NLGN1: variants seen among roughly 807,000 people sequenced by gnomAD.
NLGN1 encodes the protein neuroligin 1.
In NLGN1, 12 loss-of-function variants were observed where a neutral mutation model predicts 65.5. The observed-to-expected ratio is 0.18, with a 90% CI of 0.12 to 0.30. The LOEUF (loss-of-function observed/expected upper bound fraction) is 0.30. NLGN1 is among the 10% of genes least tolerant of loss of function. NLGN1 has a pLI of 1.00. For synonymous variants in NLGN1, 350 were observed against 359.5 expected (o/e 0.97, Z 0.30); for missense variants, 750 against 1,007.1 (o/e 0.74, Z 3.46).
intron 3 of NLGN1, among the ~76,000 whole-genome samples, chr3:173,611,832 G>A (rs1210577248): frequency 6.6e-6 from 1 of 151,968 alleles, no homozygotes; most frequent in Non-Finnish European, 1.5e-5. Context: ...TAGAAACTGG[G>A]GTTGAAGTTG....
At chr3:173,615,654 A>G (rs922358394) in intron 3 of NLGN1, among the ~76,000 whole-genome samples, 5 of 152,096 alleles carry the variant, frequency 3.3e-5, no homozygotes, top group African/African-American at 1.2e-4. Context: ...ATCAGGCATA[A>G]CCAAAACTAT....
intron 2 of NLGN1, among the ~76,000 whole-genome samples, chr3:173,476,357 T>C (rs890893949): frequency 6.6e-6 from 1 of 152,188 alleles, no homozygotes; most frequent in Admixed American, 6.5e-5. Context: ...AGTTTAATGT[T>C]GTAACTTTTA....
intron 1 of NLGN1, among the ~76,000 whole-genome samples, chr3:173,399,046 A>G (rs1049691436): frequency 8.5e-5 from 13 of 152,250 alleles, no homozygotes; most frequent in African/African-American, 3.1e-4. Flanking sequence ...AAATGAGCTC[A>G]GAAGCAAGGG....
intron 3 of NLGN1, among the ~76,000 whole-genome samples, chr3:173,639,818 G>A (rs1361462411): frequency 6.6e-6 from 1 of 152,162 alleles, no homozygotes; most frequent in Non-Finnish European, 1.5e-5. Flanking sequence ...CTAAGCAATT[G>A]TCTGTCTGCC....
intron 4 of NLGN1, among the ~76,000 whole-genome samples, chr3:174,045,206 C>T (rs987877254): frequency 4.6e-5 from 7 of 151,954 alleles, no homozygotes; most frequent in African/African-American, 1.2e-4. Context: ...AAAGACATAC[C>T]GAAGACTAGG....
At chr3:173,685,677 G>A in intron 3 of NLGN1, 1 of 985,346 alleles carries the variant, frequency 1.0e-6, no homozygotes, top group Non-Finnish European at 1.2e-6. Flanking sequence ...GCTATGTCAT[G>A]TAAGGACTCA....
At chr3:174,286,909 T>C (rs1252940521), downstream of NLGN1, among the ~76,000 whole-genome samples, 1 of 151,040 alleles carries the variant, frequency 6.6e-6, no homozygotes, top group Non-Finnish European at 1.5e-5. Flanking sequence ...AAGAAAAGAA[T>C]GGAAAAAGGA....
At position 174,166,445 on chromosome 3, in the gene NLGN1, A is replaced by C. The variant is rs926336007; in HGVS notation, c.647-108870A>C. Among the ~76,000 whole-genome samples the C allele has an allele frequency of 2.6e-5, 4 of 151,914 alleles. 1 individual carries two copies. The highest frequency in any genetic ancestry group is 5.9e-5 in the Non-Finnish European group (4 of 67,906). ...GATTTCTGCTTTAATTTCATCGTTT[A>C]CCCAAACGGATTAAGTTGTTTAATT... On this transcript the variant is annotated intron_variant, in intron 4 of 6. Transcript: ENST00000457714.
intron 4 of NLGN1, among the ~76,000 whole-genome samples, chr3:174,005,225 T>A (rs964611126): frequency 6.6e-6 from 1 of 152,166 alleles, no homozygotes; most frequent in Non-Finnish European, 1.5e-5. Flanking sequence ...GAATTGTATG[T>A]CCCATTAATT....
intron 4 of NLGN1, among the ~76,000 whole-genome samples, chr3:173,820,403 G>A (rs941527656): frequency 2.0e-5 from 3 of 152,044 alleles, no homozygotes; most frequent in Non-Finnish European, 4.4e-5. Context: ...GAAAGCGTTG[G>A]TGCTCATAAG....
chr3:173,405,430 C>T (rs2148622954), intron 1 of NLGN1, among the ~76,000 whole-genome samples: 1 of 152,020 alleles, frequency 6.6e-6, no homozygotes, highest in African/African-American at 2.4e-5. Flanking sequence ...ACTGCTTGGC[C>T]ATAAGAAATT....
At chr3:173,589,251 T>G (rs1748030408) in intron 2 of NLGN1, among the ~76,000 whole-genome samples, 1 of 152,308 alleles carries the variant, frequency 6.6e-6, no homozygotes, top group African/African-American at 2.4e-5. Flanking sequence ...CCAGCTACGC[T>G]TTATGTACAT....
intron 4 of NLGN1, among the ~76,000 whole-genome samples, chr3:174,200,781 G>C (rs1001087855): frequency 2.0e-5 from 3 of 152,000 alleles, no homozygotes; most frequent in African/African-American, 7.3e-5. Context: ...TATCTTACTT[G>C]ACCCTAAACA....
rs140822440 is a variant in NLGN1 at position 173,884,967 on chromosome 3, C to T, written c.646+77135C>T. 6.6e-5 allele frequency among the ~76,000 whole-genome samples: 10 copies of T among 152,140 alleles called. No homozygotes were observed. The East Asian group carries it at 1.9e-3, about 29-fold the overall frequency. On this transcript the variant is annotated intron_variant, in intron 4 of 6. Coordinates refer to ENST00000457714, the Ensembl canonical transcript of NLGN1. ...TAAAGAAGGGACTTACCCTCTCAAG[C>T]CCTTTTATAGGTTGCTGATCTCATA... is the stretch of plus-strand genomic sequence containing the variant.
At chr3:173,755,927 A>T (rs963227134) in intron 3 of NLGN1, among the ~76,000 whole-genome samples, 6 of 152,132 alleles carry the variant, frequency 3.9e-5, no homozygotes, top group Non-Finnish European at 5.9e-5. Context: ...GATGTTATAT[A>T]TTGATTCAAC....
Position 173,439,307 on chromosome 3 carries a change from G to T in NLGN1, c.-321+4229G>T, listed in dbSNP as rs190373100. The stretch of plus-strand genomic sequence containing the variant: ...AGTTTTAGTATTATATTAACAAATG[G>T]TTATAAACTTGTGAAATTTAATCCA... On this transcript the variant is annotated intron_variant, in intron 2 of 6. Coordinates refer to ENST00000457714, the Ensembl canonical transcript of NLGN1. 1.2e-4 allele frequency among the ~76,000 whole-genome samples: 18 copies of T among 152,200 alleles called. No individual in the cohort carries two copies. In the East Asian group the frequency reaches 3.3e-3, roughly 28 times the overall value.
At chr3:173,501,077 C>T (rs767072748) in intron 2 of NLGN1, among the ~76,000 whole-genome samples, 1 of 152,068 alleles carries the variant, frequency 6.6e-6, no homozygotes, top group Non-Finnish European at 1.5e-5. Flanking sequence ...TCCAAGATAT[C>T]TCAGAGTTTT....
intron 3 of NLGN1, among the ~76,000 whole-genome samples, chr3:173,711,529 A>C (rs1247451857): frequency 6.6e-6 from 1 of 152,076 alleles, no homozygotes; most frequent in Non-Finnish European, 1.5e-5. Context: ...TTTTGAAAAC[A>C]CTCATTTTTT....
At chr3:174,168,461 T>A (rs1002436292) in intron 4 of NLGN1, among the ~76,000 whole-genome samples, 1 of 152,144 alleles carries the variant, frequency 6.6e-6, no homozygotes, top group Non-Finnish European at 1.5e-5. Context: ...GAGATGTGAC[T>A]GTAGAGAATG....
Sources: allele counts gnomAD v4.1 joint callset (sites outside exome capture counted in the v4.1 genomes callset), GRCh38; gene constraint gnomAD v4.1.1; transcripts MANE v1.5; gene names NCBI Gene and HGNC (gene_info 2026-07-23, HGNC 2026-07-21).